The following MUC4 variants were observed in gnomAD, a reference collection of about 807,000 sequenced individuals.
MUC4 encodes mucin-4.
MUC4 carries 202 observed loss-of-function variants against 257.9 expected under a neutral mutation model. The ratio of observed to expected loss-of-function variants is 0.78; its 90% CI spans 0.70 to 0.88. The LOEUF (loss-of-function observed/expected upper bound fraction) is 0.88. Ranked by LOEUF, MUC4 falls within the 40% of genes least tolerant of loss-of-function variation. MUC4 has a pLI of 0.00. For synonymous variants in MUC4, 2,351 were observed against 2,757.1 expected (o/e 0.85, Z 4.62); for missense variants, 5,976 against 6,513.7 (o/e 0.92, Z 2.84).
rs547386338 is a variant in MUC4, at chr3:195,789,099, C to T, written c.2481G>A (p.Thr827=). 1.9e-6 allele frequency: 3 copies of T among 1,611,924 alleles called. No homozygotes were observed. The highest frequency in any genetic ancestry group is 1.7e-5 in the Admixed American group (1 of 59,976). ...TGGAGGGGTTTGATGAAAACCTTGT[C>T]GTCTCTCCTGAGGTGGATATTCCTT... The part of the protein sequence containing the change: ...GSEGISTSGE[T]TRFSSNPSRD... The change falls in exon 2 of 25, where the codon ACG becomes ACA. Residue 827 remains threonine, a synonymous_variant. Coordinates refer to ENST00000463781, the MANE Select transcript of MUC4 (RefSeq NM_018406.7).
chr3:195,761,878 G>T (rs1322813083), intron 14 of MUC4, among the ~76,000 whole-genome samples: 1 of 152,138 alleles, frequency 6.6e-6, no homozygotes, highest in Non-Finnish European at 1.5e-5. Context: ...CCCCCCTGAT[G>T]CTCCCTTAGA....
intron 3 of MUC4, among the ~76,000 whole-genome samples, chr3:195,775,428 TACCTTCCACACCCATACCTTCCACACC>T (rs1560283577): frequency 8.6e-6 from 1 of 115,828 alleles, no homozygotes; most frequent in African/African-American, 3.0e-5. Context: ...TCCACACCCA[TACCTTCCACACCCATACCTTCCACACC>T]CATACCTTCC....
rs752721274 is a variant in MUC4 at position 195,753,117 on chromosome 3, G to A, written c.15442C>T (p.Pro5148Ser). The A allele has an allele frequency of 2.5e-6, 4 of 1,612,878 alleles. No individual in the cohort carries two copies. The Admixed American group carries it at 6.7e-5, about 27-fold the overall frequency. The part of the protein sequence containing the change: ...TLGCQPMCTC[P>S]PAFTDSRCFL... ...CAGCGGCTGTCAGTGAAGGCTGGGG[G>A]GCAGGTGCACATGGGCTGACAGCCC... Residue 5148 changes from proline to serine, a missense_variant, in exon 20 of 25, where the codon CCC (proline) becomes TCC (serine). Transcript: ENST00000463781.
chr3:195,797,088 C>CA (rs1448239705), intron 1 of MUC4, among the ~76,000 whole-genome samples: 1 of 151,888 alleles, frequency 6.6e-6, no homozygotes, highest in East Asian at 1.9e-4. Context: ...GGTAAAAATA[C>CA]AAAAAATTTG....
At chr3:195,762,383 G>T (rs1719199767) in intron 13 of MUC4, 129 bp from the exon 14 acceptor site, 2 of 1,060,086 alleles carry the variant, frequency 1.9e-6, no homozygotes, top group Non-Finnish European at 2.7e-6. Context: ...GTCTGCACTG[G>T]AGGCGGAGAA....
rs143799234 is a variant in MUC4 at position 195,759,143 on chromosome 3, G to A, written c.14967C>T (p.Cys4989=). The part of the protein sequence containing the change: ...EDANFTLRDS[C]TDLELFENGT... ...TCCTACCAAAGAGCTCCAAGTCGGT[G>A]CAGCTGTCTCTGAGCGTGAAGTTGG... The change falls in exon 17 of 25, where the codon TGC becomes TGT. Residue 4989 remains cysteine (C), a synonymous_variant. Coordinates refer to ENST00000463781, the MANE Select transcript of MUC4 (RefSeq NM_018406.7). 2.2e-5 allele frequency: 36 copies of A among 1,614,016 alleles called. No individual in the cohort carries two copies. In the African/African-American group the frequency reaches 4.8e-4, roughly 22 times the overall value.
At chr3:195,772,204 C>T (rs1723041723) in intron 4 of MUC4, among the ~76,000 whole-genome samples, 1 of 149,882 alleles carries the variant, frequency 6.7e-6, no homozygotes, top group African/African-American at 2.5e-5. Context: ...GCCCTCCCTC[C>T]ATCGCTCAGT....
chr3:195,807,118 C>T (rs1736079129), intron 1 of MUC4, among the ~76,000 whole-genome samples: 2 of 152,310 alleles, frequency 1.3e-5, no homozygotes, highest in South Asian at 4.1e-4. Flanking sequence ...AACACAAATG[C>T]CCAGTTCCTG....
chr3:195,779,967 G>T lies in MUC4; in HGVS notation c.11613C>A (p.Thr3871=), dbSNP rs189187463. The T allele has an allele frequency of 1.6e-5, 23 of 1,446,594 alleles. 5 individuals are homozygous for T. The highest frequency in any genetic ancestry group is 5.0e-5 in the East Asian group (2 of 40,378). 89.6% of individuals were successfully genotyped at this position (1,446,594 alleles called of 1,614,324 possible). The change falls in exon 2 of 25, where the codon ACC becomes ACA. Residue 3871 remains threonine (T), a synonymous_variant. Transcript: ENST00000463781. ...SPSSASTGHA[T]PLPVTGLSSA... ...AGGAAAGGCCGGTAACAGGAAGAGG[G>T]GTGGCGTGACCTGTGGATGCTGAGG...
chr3:195,771,512 C>A, intron 5 of MUC4, 140 bp downstream of exon 5: 1 of 1,002,366 alleles, frequency 1.0e-6, no homozygotes. Flanking sequence ...TGACTGCTTC[C>A]TCCCACACCC....
At chr3:195,752,800 T>C (rs1051627950) in intron 20 of MUC4, among the ~76,000 whole-genome samples, 1 of 152,188 alleles carries the variant, frequency 6.6e-6, no homozygotes, top group African/African-American at 2.4e-5. Context: ...AGCGCTCATC[T>C]CACTGAGCCA....
intron 1 of MUC4, among the ~76,000 whole-genome samples, chr3:195,803,747 C>T (rs1352166022): frequency 6.6e-6 from 1 of 152,190 alleles, no homozygotes; most frequent in South Asian, 2.1e-4. Flanking sequence ...GTAGCAGGGC[C>T]GGGGGCTCGG....
rs1730434956 is a variant in MUC4 at position 195,784,605 on chromosome 3, G to T, written c.6975C>A (p.Ser2325Arg). ...TGHATPLPVT[S>R]LSSASTGDTT... is the part of the protein sequence containing the mutation. ...TGTCACCTGTGGATGCTGAGGAAAG[G>T]CTGGTGACAGGAAGAGGGGTGGCGT... Residue 2325 changes from serine to arginine, a missense_variant, in exon 2 of 25, where the codon AGC becomes AGA. Physicochemically the swap from Ser to Arg is moderately radical, Grantham distance 110 (BLOSUM62 -1). This residue lies in a region of MUC4 where 62 missense variants were observed against 74.0 expected (regional missense o/e 0.84). Transcript: ENST00000463781. The T allele has an allele frequency of 7.1e-7, 1 of 1,411,674 alleles. No individual in the cohort carries two copies. Among genetic ancestry groups the T allele is most frequent in the African/African-American group, 1.7e-5 (1 of 59,478 alleles). The allele number at this position is 1,411,674 out of a possible 1,614,324, so 87.4% of individuals were successfully genotyped here.
intron 16 of MUC4, among the ~76,000 whole-genome samples, chr3:195,760,271 G>A (rs534535909): frequency 1.3e-5 from 2 of 152,346 alleles, no homozygotes; most frequent in Admixed American, 6.5e-5. Context: ...AGACAGGGCG[G>A]CCAAGAGAGG....
In MUC4 at chr3:195,767,549, T is replaced by C. The variant is rs199497675; in HGVS notation, c.13530-798A>G. On this transcript the variant is annotated intron_variant, in intron 7 of 24. Transcript: ENST00000463781. The stretch of plus-strand genomic sequence containing the variant: ...ACCATCGCCACCACCATCATCACCA[T>C]CACCATTACCATTGCCACCACCATC... 9.1e-4 allele frequency among the ~76,000 whole-genome samples: 66 copies of C among 72,520 alleles called. 1 individual carries two copies. Among genetic ancestry groups the C allele is most frequent in the African/African-American group, 2.4e-3 (32 of 13,568 alleles). 47.6% of individuals were successfully genotyped at this position (72,520 alleles called of 152,430 possible). A position where few individuals can be genotyped will look rare whatever the true frequency, so the allele number is the denominator to read the frequency against.
At chr3:195,764,522 C>T (rs1228097778) in intron 10 of MUC4, among the ~76,000 whole-genome samples, 1 of 152,078 alleles carries the variant, frequency 6.6e-6, no homozygotes, top group Non-Finnish European at 1.5e-5. Flanking sequence ...AGTACTGCTG[C>T]TCTCAACGTG....
intron 7 of MUC4, among the ~76,000 whole-genome samples, chr3:195,767,868 C>CCACCACCACCACCACCAT (rs1721787843): frequency 7.0e-6 from 1 of 142,262 alleles, no homozygotes; most frequent in South Asian, 2.2e-4. Context: ...ACCCCCAACA[C>CCACCACCACCACCACCAT]CACCACCATC....
chr3:195,759,942 A>T (rs1302942522), intron 16 of MUC4, among the ~76,000 whole-genome samples: 1 of 36,406 alleles, frequency 2.7e-5, no homozygotes, highest in African/African-American at 6.1e-5. Context: ...CACGCACAAA[A>T]CCTGGAGGGT....
At chr3:195,773,482 ACC>A (rs1325136333) in intron 4 of MUC4, among the ~76,000 whole-genome samples, 2 of 144,428 alleles carry the variant, frequency 1.4e-5, no homozygotes, top group Non-Finnish European at 3.0e-5. Flanking sequence ...AGGTGTGGAC[ACC>A]CTCTCTCTAT....
Sources: gnomAD v4.1 joint callset for allele counts (sites outside exome capture counted in the v4.1 genomes callset) on GRCh38, gnomAD v4.1.1 for gene constraint, gnomAD v4.1.1 regional missense constraint, MANE v1.5 for transcripts, NCBI Gene and HGNC (gene_info 2026-07-23, HGNC 2026-07-21) for gene names.